The following GLYR1 variants were observed in gnomAD, a reference collection of about 807,000 sequenced individuals.
The protein encoded by GLYR1 is glyoxylate reductase 1 homolog.
A neutral mutation model predicts 72.7 loss-of-function variants in GLYR1; 21 were observed. That is an observed-to-expected ratio of 0.29 (90% CI 0.20 to 0.42). The LOEUF (loss-of-function observed/expected upper bound fraction) is 0.42. Among genes scored for constraint, GLYR1 ranks in the 10% least tolerant of loss-of-function variants. The pLI is 1.00. For synonymous variants in GLYR1, 392 were observed against 270.2 expected (o/e 1.45, Z -4.42); for missense variants, 594 against 712.1 (o/e 0.83, Z 1.89).
chr16:4,815,194 C>T (rs2083561486), intron 10 of GLYR1, among the ~76,000 whole-genome samples: 1 of 152,022 alleles, frequency 6.6e-6, no homozygotes, highest in Admixed American at 6.6e-5. Context: ...CAGCCTCAAC[C>T]TCCTGGACTC....
Position 4,805,146 on chromosome 16 carries a change from GTC to G in GLYR1, c.*88_*89del. 1 of 1,044,118 alleles carries G rather than the reference GTC, an allele frequency of 9.6e-7. No individual in the cohort carries two copies. The allele number at this position is 1,044,118 out of a possible 1,614,324, so 64.7% of individuals were successfully genotyped here. ...AAAGGAAATGGAGATAGGTGGGCTG[GTC>G]CAGAATGAACTCCCAGGCCCCCGAC... On this transcript the variant is annotated 3_prime_UTR_variant, in exon 16 of 16. Coordinates refer to ENST00000321919, the MANE Select transcript of GLYR1 (RefSeq NM_032569.4).
At chr16:4,831,268 T>C (rs1306033228) in intron 5 of GLYR1, among the ~76,000 whole-genome samples, 1 of 152,190 alleles carries the variant, frequency 6.6e-6, no homozygotes, top group Admixed American at 6.5e-5. Context: ...TACCTCCTAA[T>C]TGGCTCTGAG....
At chr16:4,807,144 G>A (rs1323259591) in intron 15 of GLYR1, among the ~76,000 whole-genome samples, 10 of 120,936 alleles carry the variant, frequency 8.3e-5, no homozygotes, top group African/African-American at 3.2e-4. Context: ...CGGAGTCTTG[G>A]TCTGTCGCCC....
intron 2 of GLYR1, among the ~76,000 whole-genome samples, chr16:4,845,791 T>C (rs776440686): frequency 3.3e-5 from 5 of 152,192 alleles, no homozygotes; most frequent in Non-Finnish European, 7.3e-5. Flanking sequence ...GGAAAGAAGA[T>C]TTAAACTTAG....
In GLYR1 at chr16:4,803,799, A is replaced by ATG. The variant is rs1596285209; in HGVS notation, c.*1436_*1437insCA. The ATG allele has an allele frequency of 3.9e-5, 6 of 152,358 alleles. No homozygotes were observed. In the East Asian group the frequency reaches 1.2e-3, roughly 29 times the overall value. 9.4% of individuals were successfully genotyped at this position (152,358 alleles called of 1,614,324 possible). A position where few individuals can be genotyped will look rare whatever the true frequency, so the allele number is the denominator to read the frequency against. On this transcript the variant is annotated 3_prime_UTR_variant, in exon 16 of 16. Coordinates refer to ENST00000321919, the MANE Select transcript of GLYR1 (RefSeq NM_032569.4). Reference sequence around the variant, plus strand: ...GCCCTAGTGTGGCCACCCTATATATAATTACATATTGCATCGTAAATGCTG... The same window carrying ATG: ...GCCCTAGTGTGGCCACCCTATATATATGATTACATATTGCATCGTAAATGCTG...
chr16:4,815,103 C>T (rs980806224), intron 10 of GLYR1, among the ~76,000 whole-genome samples: 1 of 151,868 alleles, frequency 6.6e-6, no homozygotes, highest in African/African-American at 2.4e-5. Flanking sequence ...AAAAACACTA[C>T]CATTTTGGCT....
At chr16:4,813,286 C>G (rs1385452051) in intron 12 of GLYR1, among the ~76,000 whole-genome samples, 1 of 152,176 alleles carries the variant, frequency 6.6e-6, no homozygotes, top group African/African-American at 2.4e-5. Context: ...AGACCAACAA[C>G]TAGAACCAGA....
At chr16:4,814,174 T>A (rs2083486233) in intron 11 of GLYR1, among the ~76,000 whole-genome samples, 1 of 152,114 alleles carries the variant, frequency 6.6e-6, no homozygotes, top group South Asian at 2.1e-4. Context: ...ATAAGATGAC[T>A]ACCACACTTG....
Position 4,843,451 on chromosome 16 carries a change from G to A in GLYR1, c.155+1623C>T, listed in dbSNP as rs113153624. ...ATTGCAGGCCTGAGGCACCATGCCC[G>A]GCCAAATCTTCTTTTTAAATCCATG... On this transcript the variant is annotated intron_variant, in intron 3 of 15. Transcript: ENST00000321919. The A allele has an allele frequency of 6.0e-5, 73 of 1,224,798 alleles. 1 individual carries two copies. The highest frequency in any genetic ancestry group is 1.4e-4 in the South Asian group (10 of 70,138). The allele number at this position is 1,224,798 out of a possible 1,614,324, so 75.9% of individuals were successfully genotyped here.
intron 3 of GLYR1, among the ~76,000 whole-genome samples, chr16:4,842,203 C>A (rs1336468731): frequency 6.6e-6 from 1 of 150,804 alleles, no homozygotes; most frequent in African/African-American, 2.4e-5. Flanking sequence ...AAGATCGCGC[C>A]ACTGCACTCC....
At chr16:4,830,724 T>C (rs1567757401) in intron 5 of GLYR1, among the ~76,000 whole-genome samples, 2 of 152,228 alleles carry the variant, frequency 1.3e-5, no homozygotes, top group African/African-American at 4.8e-5. Context: ...TTTGAAATTC[T>C]TCTCTGTGGC....
chr16:4,843,523 C>T, intron 3 of GLYR1: 1 of 1,287,806 alleles, frequency 7.8e-7, no homozygotes, highest in Non-Finnish European at 1.0e-6. Context: ...CTCCACAGCT[C>T]CAGGCCAGCG....
chr16:4,824,936 A>T (rs1174573739), intron 5 of GLYR1, among the ~76,000 whole-genome samples: 1 of 152,058 alleles, frequency 6.6e-6, no homozygotes, highest in Admixed American at 6.6e-5. Context: ...TACTAGGCCG[A>T]TATCTTTAGA....
At chr16:4,846,330 A>G in intron 1 of GLYR1, 120 bp from the exon 2 acceptor site, 1 of 1,109,740 alleles carries the variant, frequency 9.0e-7, no homozygotes, top group East Asian at 2.4e-5. Context: ...GCCGAAACAA[A>G]AGCTTTCATA....
intron 1 of GLYR1, 113 bp from the exon 2 acceptor site, chr16:4,846,323 G>T: frequency 8.4e-7 from 1 of 1,197,338 alleles, no homozygotes; most frequent in South Asian, 1.2e-5. Flanking sequence ...CTCAAATGCC[G>T]AAACAAAAGC....
intron 5 of GLYR1, among the ~76,000 whole-genome samples, chr16:4,828,821 C>T (rs77960101): frequency 6.6e-6 from 1 of 152,044 alleles, no homozygotes; most frequent in African/African-American, 2.4e-5. Flanking sequence ...GTCCTATATA[C>T]GTGATTCAAA....
intron 5 of GLYR1, among the ~76,000 whole-genome samples, chr16:4,828,121 G>A (rs2084528768): frequency 6.6e-6 from 1 of 151,542 alleles, no homozygotes; most frequent in Non-Finnish European, 1.5e-5. Flanking sequence ...CCAGGCTGGG[G>A]TGCAGTGGCG....
At chr16:4,837,926 T>A (rs2085259543) in intron 3 of GLYR1, among the ~76,000 whole-genome samples, 1 of 141,008 alleles carries the variant, frequency 7.1e-6, no homozygotes, top group Non-Finnish European at 1.5e-5. Context: ...CGAGACTCCA[T>A]CTCAAAAAAT....
intron 1 of GLYR1, chr16:4,846,554 T>A: frequency 3.4e-6 from 1 of 294,196 alleles, no homozygotes; most frequent in Non-Finnish European, 6.8e-6. Flanking sequence ...GAGACCTGCC[T>A]GGCTTTGACA....
Sources: allele counts gnomAD v4.1 joint callset (sites outside exome capture counted in the v4.1 genomes callset), GRCh38; gene constraint gnomAD v4.1.1; transcripts MANE v1.5; gene names NCBI Gene and HGNC (gene_info 2026-07-23, HGNC 2026-07-21).